Variants in EIF3B observed in about 807,000 individuals in gnomAD.
The protein encoded by EIF3B is eukaryotic translation initiation factor 3 subunit 9.
Under a neutral mutation model 104.6 loss-of-function variants are expected in EIF3B, and 10 were observed. That is an observed-to-expected ratio of 0.10 (90% CI 0.06 to 0.16). The LOEUF (loss-of-function observed/expected upper bound fraction) is 0.16, where lower values mean the gene tolerates loss of function less well. Among genes scored for constraint, EIF3B ranks in the 10% least tolerant of loss-of-function variants. EIF3B has a pLI of 1.00. For synonymous variants in EIF3B, 542 were observed against 417.2 expected, an observed-to-expected ratio of 1.30 and a Z score of -3.65; for missense variants, 1,014 against 1,087.9, an observed-to-expected ratio of 0.93 and a Z score of 0.96.
At position 2,355,662 on chromosome 7, in the gene EIF3B, G is replaced by A. The variant is rs181861118; in HGVS notation, c.499+242G>A. Among the ~76,000 whole-genome samples the A allele has an allele frequency of 3.3e-5, 5 of 152,308 alleles. No homozygotes were observed. The East Asian group carries it at 9.6e-4, about 29-fold the overall frequency. On this transcript the variant is annotated intron_variant, in intron 1 of 18. Transcript: ENST00000360876. ...AGGGTGGAGCTCACTTCGGGAGCCA[G>A]GCATTTGCATGACAACCAGAAATCT...
rs1166937303 is a variant in EIF3B, at chr7:2,379,459, G to A, written c.2407G>A (p.Val803Ile). The change falls in exon 18 of 19, where the codon GTC becomes ATC. Residue 803 changes from valine (V) to isoleucine (I), a missense_variant. Coordinates refer to ENST00000360876, the MANE Select transcript of EIF3B (RefSeq NM_001037283.2). ...GGAAGAGGAGACCATTGAGTTCTTC[G>A]TCACTGAAGAAATCATTCCCCTCGG... ...DWEEETIEFF[V>I]TEEIIPLGNQ... is the part of the protein sequence containing the mutation. 9 of 1,587,990 alleles carry A rather than the reference G, an allele frequency of 5.7e-6. No individual in the cohort carries two copies. Among genetic ancestry groups the A allele is most frequent in the Admixed American group, 3.6e-5 (2 of 55,796 alleles).
At chr7:2,372,307 A>G (rs1780395129) in intron 11 of EIF3B, 1 of 240,060 alleles carries the variant, frequency 4.2e-6, no homozygotes, top group South Asian at 8.7e-5. Context: ...AGAAAATGGG[A>G]AACATGGCCG....
At chr7:2,379,361 C>A in intron 17 of EIF3B, 33 bp from the exon 18 acceptor site, 1 of 1,562,054 alleles carries the variant, frequency 6.4e-7, no homozygotes, top group East Asian at 2.4e-5. Context: ...GGCATGTGCC[C>A]CCATGGGTGA....
rs116004633 is a variant in EIF3B, at chr7:2,356,850, A to T, written c.499+1430A>T. 8.2e-3 allele frequency among the ~76,000 whole-genome samples: 1,243 copies of T among 151,770 alleles called. 13 individuals are homozygous for T. The highest frequency in any genetic ancestry group is 0.028 in the African/African-American group (1,168 of 41,170). On this transcript the variant is annotated intron_variant, in intron 1 of 18. Coordinates refer to ENST00000360876, the MANE Select transcript of EIF3B (RefSeq NM_001037283.2). Reference sequence around the variant, plus strand: ...CAGTTACTGTGACCATTACTATATTACACTTTTTTTTTTCATAAAAGACAT... The same window carrying T: ...CAGTTACTGTGACCATTACTATATTTCACTTTTTTTTTTCATAAAAGACAT...
chr7:2,371,327 T>C (rs1034582938), intron 10 of EIF3B, among the ~76,000 whole-genome samples: 3 of 152,218 alleles, frequency 2.0e-5, no homozygotes, highest in Non-Finnish European at 4.4e-5. Context: ...CCTCTGTTGA[T>C]GGACATCAGG....
chr7:2,363,030 C>T (rs749492721), intron 3 of EIF3B, 40 bp from the exon 4 acceptor site: 28 of 1,608,196 alleles, frequency 1.7e-5, no homozygotes, highest in Middle Eastern at 1.6e-4. Context: ...TCTTTCTAGT[C>T]GTCAGGGCGT....
intron 2 of EIF3B, among the ~76,000 whole-genome samples, chr7:2,361,882 T>C (rs1779749766): frequency 6.6e-6 from 1 of 152,072 alleles, no homozygotes; most frequent in Non-Finnish European, 1.5e-5. Flanking sequence ...GTTCAAGCAA[T>C]TCTCCTGCCC....
At chr7:2,361,417 CT>C (rs1344148862) in intron 2 of EIF3B, among the ~76,000 whole-genome samples, 6 of 151,622 alleles carry the variant, frequency 4.0e-5, no homozygotes, top group Non-Finnish European at 8.8e-5. Flanking sequence ...CTCTGAGGTT[CT>C]TTCTTTCTTT....
At position 2,372,788 on chromosome 7, in the gene EIF3B, A is replaced by T; in HGVS notation, c.1803A>T (p.Glu601Asp). The change falls in exon 12 of 19, where the codon GAA (glutamate) becomes GAT (aspartate). Residue 601 changes from glutamate (E) to aspartate (D), a missense_variant. Physicochemically the swap from Glu to Asp is conservative, Grantham distance 45 (BLOSUM62 2). Transcript: ENST00000360876. ...ACGTCAAAAACAACGGGAAGATTGA[A>T]CTCATCAGTAAGTAACCTGGTCCCT... The part of the protein sequence containing the change: ...FYHVKNNGKI[E>D]LIKMFDKQQA... 6.2e-7 allele frequency: 1 copy of T among 1,613,834 alleles called. No homozygotes were observed. The highest frequency in any genetic ancestry group is 8.5e-7 in the Non-Finnish European group (1 of 1,179,874).
chr7:2,360,571 G>A, intron 1 of EIF3B, 139 bp from the exon 2 acceptor site: 1 of 649,896 alleles, frequency 1.5e-6, no homozygotes, highest in Admixed American at 3.3e-5. Flanking sequence ...AACAAGCTAG[G>A]GTTAGGATTT....
chr7:2,364,123 A>T (rs994292264), intron 5 of EIF3B, among the ~76,000 whole-genome samples: 1 of 152,184 alleles, frequency 6.6e-6, no homozygotes, highest in Admixed American at 6.5e-5. Context: ...TTAGCTGGGC[A>T]TGGTGGCAGG....
chr7:2,369,153 C>G (rs191922272), intron 9 of EIF3B, among the ~76,000 whole-genome samples: 175 of 152,290 alleles, frequency 1.1e-3, no homozygotes, highest in African/African-American at 4.1e-3. Flanking sequence ...CTCAAAGCAG[C>G]AGTGTGCGGT....
rs375889711 is a variant in EIF3B, at chr7:2,378,310, G to A, written c.2155-379G>A. 3.9e-5 allele frequency: 10 copies of A among 254,716 alleles called. 1 individual carries two copies. The highest frequency in any genetic ancestry group is 1.9e-4 in the East Asian group (2 of 10,756). The allele number at this position is 254,716 out of a possible 1,614,324, so 15.8% of individuals were successfully genotyped here. ...CGGTGTCATGGAGGAAGGAACAGGCGAGCGTTCCTGGGATGCTGTGTTGTG... is the reference window on the plus strand; with the variant it reads ...CGGTGTCATGGAGGAAGGAACAGGCAAGCGTTCCTGGGATGCTGTGTTGTG... On this transcript the variant is annotated intron_variant, in intron 15 of 18. Transcript: ENST00000360876.
chr7:2,375,587 G>C, intron 14 of EIF3B, 60 bp downstream of exon 14: 1 of 1,609,060 alleles, frequency 6.2e-7, no homozygotes, highest in South Asian at 1.1e-5. Context: ...CTGGCTAGCT[G>C]CTGACTCTGG....
chr7:2,375,652 C>G, intron 14 of EIF3B, 125 bp downstream of exon 14: 8 of 1,409,520 alleles, frequency 5.7e-6, no homozygotes, highest in Non-Finnish European at 7.8e-6. Context: ...GAACAGAAGC[C>G]TTGGCTGGTG....
In EIF3B at chr7:2,366,461, T is replaced by C; in HGVS notation, c.1289+13T>C. 4 of 1,614,060 alleles carry C rather than the reference T, an allele frequency of 2.5e-6. No homozygotes were observed. The highest frequency in any genetic ancestry group is 1.1e-5 in the South Asian group (1 of 91,068). On this transcript the variant is annotated intron_variant, in intron 7 of 18. Transcript: ENST00000360876. ...GGCCTATTTTTAAGTAAGTGGACCA[T>C]TGTAACGAGCTCTGTAGCCTTTGTC...
At chr7:2,359,770 C>T (rs888651499) in intron 1 of EIF3B, among the ~76,000 whole-genome samples, 18 of 152,166 alleles carry the variant, frequency 1.2e-4, no homozygotes, top group Admixed American at 7.9e-4. Context: ...GGATCTGATG[C>T]TAATTCCTGG....
intron 1 of EIF3B, among the ~76,000 whole-genome samples, chr7:2,356,882 A>G (rs1408902657): frequency 6.6e-6 from 1 of 152,144 alleles, no homozygotes. Flanking sequence ...ACATTTTAGC[A>G]TGAAAAGCAG....
At chr7:2,378,814 A>G (rs1442560716) in intron 16 of EIF3B, 48 bp downstream of exon 16, 2 of 1,542,848 alleles carry the variant, frequency 1.3e-6, no homozygotes, top group Non-Finnish European at 1.8e-6. Flanking sequence ...ATCCGCCATC[A>G]TGGCAAAGGC....
Sources: allele counts gnomAD v4.1 joint callset (sites outside exome capture counted in the v4.1 genomes callset), GRCh38; gene constraint gnomAD v4.1.1; transcripts MANE v1.5; gene names NCBI Gene and HGNC (gene_info 2026-07-23, HGNC 2026-07-21).